Variants in GAD2 observed in about 807,000 individuals in gnomAD.
GAD2 encodes glutamate decarboxylase 2.
Under a neutral mutation model 80.1 loss-of-function variants are expected in GAD2, and 22 were observed. That is an observed-to-expected ratio of 0.27 (90% CI 0.20 to 0.39). The LOEUF (loss-of-function observed/expected upper bound fraction) is 0.39, where lower values mean the gene tolerates loss of function less well. Ranked by LOEUF, GAD2 falls within the 10% of genes least tolerant of loss-of-function variation. The pLI is 1.00. For missense variants in GAD2, 624 were observed against 738.4 expected, an observed-to-expected ratio of 0.85 and a Z score of 1.80; for synonymous variants, 274 against 256.9, an observed-to-expected ratio of 1.07 and a Z score of -0.64.
At chr10:26,289,177 G>GCT (rs1022766029) in intron 13 of GAD2, among the ~76,000 whole-genome samples, 14 of 152,028 alleles carry the variant, frequency 9.2e-5, no homozygotes, top group Non-Finnish European at 1.6e-4. Context: ...TCACAGCAAA[G>GCT]CTCTCTCTCT....
rs190333070 is a variant in GAD2, at chr10:26,240,803, G to T, written c.841-5118G>T. Among the ~76,000 whole-genome samples the T allele has an allele frequency of 4.0e-3, 612 of 151,666 alleles. 1 individual carries two copies. Among genetic ancestry groups the T allele is most frequent in the Non-Finnish European group, 6.1e-3 (412 of 67,942 alleles). ...TCCCAGCACTTTGGGAGGCCGAGGC[G>T]GGGTGGGCGGATCACGAGGTCAGGA... On this transcript the variant is annotated intron_variant, in intron 7 of 15. Coordinates refer to ENST00000376261, the MANE Select transcript of GAD2 (RefSeq NM_001134366.2).
chr10:26,289,728 G>A (rs1394281913), intron 13 of GAD2, among the ~76,000 whole-genome samples: 3 of 151,448 alleles, frequency 2.0e-5, no homozygotes, highest in African/African-American at 4.9e-5. Flanking sequence ...AGATTTCTAC[G>A]GTGGCTAAAA....
chr10:26,217,230 GA>G lies in GAD2; in HGVS notation c.76+355del, dbSNP rs111385745. Among the ~76,000 whole-genome samples, 42 of 147,396 alleles carry G rather than the reference GA, an allele frequency of 2.8e-4. No homozygotes were observed. Among genetic ancestry groups the G allele is most frequent in the African/African-American group, 6.0e-4 (24 of 40,310 alleles). ...GTGGGACGGAGTGACCGTGAAGATA[GA>G]AAAAAAAAATGGGAAAGGTGAGAGA... On this transcript the variant is annotated intron_variant, in intron 1 of 15. Coordinates refer to ENST00000376261, the MANE Select transcript of GAD2 (RefSeq NM_001134366.2). This position sits in a 1 kb window ranked among gnomAD's most constrained non-coding sequence, Gnocchi z 4.9.
rs1479577042 is a variant in GAD2, at chr10:26,217,107, A to G, written c.76+222A>G. Among the ~76,000 whole-genome samples, 1 of 151,934 alleles carries G rather than the reference A, an allele frequency of 6.6e-6. No individual in the cohort carries two copies. Among genetic ancestry groups the G allele is most frequent in the South Asian group, 2.1e-4 (1 of 4,810 alleles). ...CCAAATAGTCTCAGGCCCGTTCCAC[A>G]GAAGGTTGGAAGAGCCCCCCAAAGA... On this transcript the variant is annotated intron_variant, in intron 1 of 15. Transcript: ENST00000376261. This position sits in a 1 kb window ranked among gnomAD's most constrained non-coding sequence, Gnocchi z 4.9.
At chr10:26,220,187 T>C (rs773984386) in intron 4 of GAD2, among the ~76,000 whole-genome samples, 2 of 152,146 alleles carry the variant, frequency 1.3e-5, no homozygotes, top group South Asian at 4.1e-4. Context: ...ATTACGGCAA[T>C]AAAAATAAGT....
At position 26,303,454 on chromosome 10, in the gene GAD2, GGGAGGGAGGGAGGGAA is replaced by G. The variant is rs1308116605; in HGVS notation, c.*2507_*2522del. On this transcript the variant is annotated 3_prime_UTR_variant, in exon 16 of 16. Transcript: ENST00000376261. ...AGAGAGTAAGGGAGGAAGGGAGGGAGGGAGGGAGGGAGGGAAGGAGGGAGGGAGGAAGGAAATGAAG... is the reference window on the plus strand; with the variant it reads ...AGAGAGTAAGGGAGGAAGGGAGGGAGGGAGGGAGGGAGGAAGGAAATGAAG... The G allele has an allele frequency of 7.8e-6, 1 of 127,998 alleles. No individual in the cohort carries two copies. The highest frequency in any genetic ancestry group is 1.6e-5 in the Non-Finnish European group (1 of 62,846). The allele number at this position is 127,998 out of a possible 1,614,324, so 7.9% of individuals were successfully genotyped here.
intron 13 of GAD2, among the ~76,000 whole-genome samples, chr10:26,290,444 C>T (rs1397511676): frequency 3.9e-5 from 6 of 152,164 alleles, no homozygotes; most frequent in Non-Finnish European, 8.8e-5. Flanking sequence ...TTTCACCCAG[C>T]AGTGCTGTGA....
At chr10:26,254,549 TG>T (rs2132294287) in intron 8 of GAD2, among the ~76,000 whole-genome samples, 1 of 152,302 alleles carries the variant, frequency 6.6e-6, no homozygotes, top group South Asian at 2.1e-4. Context: ...AGAGAGAACC[TG>T]GCTTGTTCAA....
intron 9 of GAD2, among the ~76,000 whole-genome samples, chr10:26,269,481 C>T (rs1194835004): frequency 6.6e-6 from 1 of 152,272 alleles, no homozygotes; most frequent in Non-Finnish European, 1.5e-5. Flanking sequence ...TTTTCAGAGG[C>T]GGGGAAATAG....
At chr10:26,264,459 C>T (rs541571833) in intron 8 of GAD2, among the ~76,000 whole-genome samples, 14 of 152,108 alleles carry the variant, frequency 9.2e-5, no homozygotes, top group Admixed American at 7.2e-4. Flanking sequence ...CAGGTGCCCA[C>T]CACCACGCCC....
In GAD2 at chr10:26,224,661, A is replaced by G. The variant is rs556101040; in HGVS notation, c.724+10A>G. The G allele has an allele frequency of 3.6e-4, 572 of 1,575,668 alleles. 9 individuals carry two copies. The South Asian group carries it at 6.0e-3, about 17-fold the overall frequency. On this transcript the variant is annotated intron_variant, in intron 6 of 15. Coordinates refer to ENST00000376261, the MANE Select transcript of GAD2 (RefSeq NM_001134366.2). ...GGGATATTTTCTCCCGGTACATGAT[A>G]TTTCAACTTTCTTTGTGTTTTTTCT... is the stretch of plus-strand genomic sequence containing the variant.
chr10:26,249,736 T>G (rs1844855778), intron 8 of GAD2, among the ~76,000 whole-genome samples: 1 of 152,166 alleles, frequency 6.6e-6, no homozygotes, highest in Non-Finnish European at 1.5e-5. Flanking sequence ...AGGCGGCTCA[T>G]CATGGGAACA....
chr10:26,284,660 C>T (rs1845310235), intron 12 of GAD2, among the ~76,000 whole-genome samples: 1 of 150,958 alleles, frequency 6.6e-6, no homozygotes, highest in Non-Finnish European at 1.5e-5. Context: ...CAACCTCCAC[C>T]TCCTGGGTTC....
rs781022348 is a variant in GAD2 at position 26,216,933 on chromosome 10, T to C, written c.76+48T>C. The C allele has an allele frequency of 9.8e-6, 15 of 1,537,380 alleles. No homozygotes were observed. In the East Asian group the frequency reaches 3.5e-4, roughly 35 times the overall value. The stretch of plus-strand genomic sequence containing the variant: ...GCGGCGGGCGAGTTTTGCGGTGGTC[T>C]GGGGTTTGCGGAACTACGGAGAAGA... On this transcript the variant is annotated intron_variant, in intron 1 of 15. Coordinates refer to ENST00000376261, the MANE Select transcript of GAD2 (RefSeq NM_001134366.2). The surrounding 1 kb of genome is among the most constrained non-coding windows in gnomAD (Gnocchi z 4.7).
chr10:26,258,004 T>C (rs915140566), intron 8 of GAD2, among the ~76,000 whole-genome samples: 2 of 152,200 alleles, frequency 1.3e-5, no homozygotes, highest in African/African-American at 2.4e-5. Flanking sequence ...CCTGTGGGTG[T>C]AGATGCAGAG....
chr10:26,299,695 A>C (rs1428338884), intron 15 of GAD2, among the ~76,000 whole-genome samples: 1 of 152,214 alleles, frequency 6.6e-6, no homozygotes, highest in Non-Finnish European at 1.5e-5. Context: ...AAGAAAATGT[A>C]TTTGCTTGAA....
rs538571035 is a variant in GAD2 at position 26,244,088 on chromosome 10, G to A, written c.841-1833G>A. 1.6e-4 allele frequency among the ~76,000 whole-genome samples: 24 copies of A among 152,312 alleles called. No homozygotes were observed. The South Asian group carries it at 4.6e-3, about 29-fold the overall frequency. On this transcript the variant is annotated intron_variant, in intron 7 of 15. Transcript: ENST00000376261. ...GAACTTGAATAGACATTTCTCCAGA[G>A]AAGATGCACAAATGGCCACTAAGCA...
chr10:26,227,159 A>G (rs58554934), intron 6 of GAD2, among the ~76,000 whole-genome samples: 1,673 of 152,166 alleles, frequency 0.011, 33 homozygotes, highest in African/African-American at 0.036. Context: ...TGCCCAGCCA[A>G]TTTTTGTATG....
At chr10:26,258,787 G>C in intron 8 of GAD2, among the ~76,000 whole-genome samples, 1 of 150,652 alleles carries the variant, frequency 6.6e-6, no homozygotes, top group African/African-American at 2.4e-5. Context: ...CCATTTATGC[G>C]TACTTACTTG....
Sources: gnomAD v4.1 joint callset for allele counts (sites outside exome capture counted in the v4.1 genomes callset) on GRCh38, gnomAD v4.1.1 for gene constraint, Gnocchi (gnomAD v3.1) non-coding constraint, MANE v1.5 for transcripts, NCBI Gene and HGNC (gene_info 2026-07-23, HGNC 2026-07-21) for gene names.